VPS35L: variants seen among roughly 807,000 people sequenced by gnomAD.
VPS35L encodes VPS35 endosomal protein sorting factor like, also known as VPS35 endosomal protein-sorting factor-like.
VPS35L carries 83 observed loss-of-function variants against 133.0 expected under a neutral mutation model. The observed-to-expected ratio is 0.62, with a 90% CI of 0.52 to 0.75. The LOEUF (loss-of-function observed/expected upper bound fraction) is 0.75, where lower values mean the gene tolerates loss of function less well. Ranked by LOEUF, VPS35L falls within the 30% of genes least tolerant of loss-of-function variation. The probability of loss-of-function intolerance (pLI) is 0.00; values close to 1 mark genes in which losing one functional copy is unlikely to be tolerated. For synonymous variants in VPS35L, 423 were observed against 449.9 expected, an observed-to-expected ratio of 0.94 and a Z score of 0.76; for missense variants, 1,083 against 1,206.8, an observed-to-expected ratio of 0.90 and a Z score of 1.52.
chr16:19,666,226 T>G (rs933496845), intron 26 of VPS35L, among the ~76,000 whole-genome samples: 2 of 152,126 alleles, frequency 1.3e-5, no homozygotes, highest in Non-Finnish European at 2.9e-5. Flanking sequence ...CCTGTGCTTG[T>G]GGGGTATTAC....
intron 26 of VPS35L, among the ~76,000 whole-genome samples, chr16:19,657,919 A>T (rs551955999): frequency 6.6e-6 from 1 of 152,334 alleles, no homozygotes; most frequent in South Asian, 2.1e-4. Context: ...TCTTTGGTGA[A>T]TGCAGACAAA....
chr16:19,678,365 G>A (rs1975134910), intron 27 of VPS35L, among the ~76,000 whole-genome samples: 2 of 151,906 alleles, frequency 1.3e-5, no homozygotes, highest in South Asian at 4.1e-4. Context: ...GGACACCTGG[G>A]GACACCTTTT....
At chr16:19,623,213 C>G (rs1973139854) in intron 14 of VPS35L, among the ~76,000 whole-genome samples, 1 of 151,844 alleles carries the variant, frequency 6.6e-6, no homozygotes, top group African/African-American at 2.4e-5. Flanking sequence ...AACAAAATAC[C>G]CAGACTAGGA....
chr16:19,592,526 C>A (rs1269614154), intron 8 of VPS35L, among the ~76,000 whole-genome samples: 1 of 152,076 alleles, frequency 6.6e-6, no homozygotes, highest in East Asian at 1.9e-4. Context: ...TCTTTTCCCA[C>A]TGAGTTTCTG....
chr16:19,628,188 G>A (rs1373238226), intron 16 of VPS35L, among the ~76,000 whole-genome samples: 1 of 152,108 alleles, frequency 6.6e-6, no homozygotes, highest in Non-Finnish European at 1.5e-5. Context: ...AACACAGCAA[G>A]ACCCCATCTC....
rs986439224 is a variant in VPS35L at position 19,699,106 on chromosome 16, A to ATACC, written c.2647-396_2647-395insTACC. Among the ~76,000 whole-genome samples, 23 of 152,176 alleles carry ATACC rather than the reference A, an allele frequency of 1.5e-4. No homozygotes were observed. The highest frequency in any genetic ancestry group is 5.5e-4 in the African/African-American group (23 of 41,448). On this transcript the variant is annotated intron_variant, in intron 29 of 30. Coordinates refer to ENST00000417362, the MANE Select transcript of VPS35L (RefSeq NM_020314.7). This position sits in a 1 kb window ranked among gnomAD's most constrained non-coding sequence, Gnocchi z 4.2. ...AGGAATACTGACTGCAGCTTTGGGT[A>ATACC]GTTTGAGGACACATCTGAAAGAGGT...
intron 18 of VPS35L, among the ~76,000 whole-genome samples, chr16:19,630,669 C>G (rs1285472167): frequency 6.6e-6 from 1 of 152,084 alleles, no homozygotes; most frequent in Non-Finnish European, 1.5e-5. Context: ...TTGCTATGGT[C>G]TGAATGTCTG....
intron 13 of VPS35L, among the ~76,000 whole-genome samples, 160 bp downstream of exon 13, chr16:19,616,351 G>A (rs1972892783): frequency 1.3e-5 from 2 of 152,136 alleles, no homozygotes; most frequent in African/African-American, 2.4e-5. Flanking sequence ...ATTAAAATGT[G>A]TTGATTGTAC....
chr16:19,576,930 C>A (rs1971559471), intron 5 of VPS35L, among the ~76,000 whole-genome samples: 1 of 152,108 alleles, frequency 6.6e-6, no homozygotes, highest in Non-Finnish European at 1.5e-5. Flanking sequence ...TGGTCTCAAA[C>A]TCTTGACCTC....
At chr16:19,669,621 GA>G (rs2151605714) in intron 27 of VPS35L, among the ~76,000 whole-genome samples, 1 of 151,598 alleles carries the variant, frequency 6.6e-6, no homozygotes, top group Admixed American at 6.6e-5. Flanking sequence ...GAGTTCTAGT[GA>G]GGACCCACTT....
intron 24 of VPS35L, among the ~76,000 whole-genome samples, chr16:19,649,594 C>T (rs1450636246): frequency 6.6e-6 from 1 of 152,140 alleles, no homozygotes; most frequent in Non-Finnish European, 1.5e-5. Context: ...CAATGTGCGA[C>T]AAACAAATAT....
chr16:19,580,243 A>G (rs1300145406), intron 6 of VPS35L, among the ~76,000 whole-genome samples: 6 of 151,510 alleles, frequency 4.0e-5, no homozygotes, highest in South Asian at 4.2e-4. Flanking sequence ...CCTCCCGAGT[A>G]ACTGGGATTA....
chr16:19,672,201 C>G (rs1037239532), intron 27 of VPS35L, among the ~76,000 whole-genome samples: 2 of 152,148 alleles, frequency 1.3e-5, no homozygotes, highest in Admixed American at 1.3e-4. Context: ...AATCCTCCTC[C>G]CTCACCCTCC....
intron 8 of VPS35L, among the ~76,000 whole-genome samples, chr16:19,594,883 G>A (rs1972160460): frequency 6.6e-6 from 1 of 152,076 alleles, no homozygotes. Flanking sequence ...GCCTCGTTGA[G>A]AGGTTACCTG....
intron 5 of VPS35L, chr16:19,578,171 A>T (rs2151514613): frequency 9.3e-6 from 4 of 429,532 alleles, no homozygotes; most frequent in South Asian, 6.8e-5. Flanking sequence ...GTGCTACAAC[A>T]GTAGAGTTGA....
At chr16:19,696,190 T>C (rs1975904753) in intron 29 of VPS35L, among the ~76,000 whole-genome samples, 1 of 152,172 alleles carries the variant, frequency 6.6e-6, no homozygotes, top group African/African-American at 2.4e-5. Flanking sequence ...GGCTATCCTT[T>C]GTTTTAATGG....
chr16:19,588,536 T>A (rs1203718846), intron 7 of VPS35L, among the ~76,000 whole-genome samples: 4 of 152,158 alleles, frequency 2.6e-5, no homozygotes, highest in African/African-American at 4.8e-5. Context: ...CTTCTTTTTT[T>A]AAATTATTTT....
Position 19,699,655 on chromosome 16 carries a change from C to T in VPS35L, c.2793+7C>T, listed in dbSNP as rs770386959. On this transcript the variant is annotated splice_region_variant and intron_variant, in intron 30 of 30. Coordinates refer to ENST00000417362, the MANE Select transcript of VPS35L (RefSeq NM_020314.7). The surrounding 1 kb of genome is among the most constrained non-coding windows in gnomAD (Gnocchi z 4.2). ...TGCAGACACCAGGACCATGGTGAGG[C>T]GCTCGGAGGGCCCCGTGGTATAAGC... 51 of 1,612,830 alleles carry T rather than the reference C, an allele frequency of 3.2e-5. No individual in the cohort carries two copies. Among genetic ancestry groups the T allele is most frequent in the African/African-American group, 2.1e-4 (16 of 75,040 alleles).
chr16:19,651,829 A>C (rs981781821), intron 25 of VPS35L, 147 bp from the exon 26 acceptor site: 4 of 658,904 alleles, frequency 6.1e-6, no homozygotes, highest in Middle Eastern at 5.1e-4. Flanking sequence ...ATCAGAGCAG[A>C]GTTGTACAAG....
Sources: gnomAD v4.1 joint callset for allele counts (sites outside exome capture counted in the v4.1 genomes callset) on GRCh38, gnomAD v4.1.1 for gene constraint, Gnocchi (gnomAD v3.1) non-coding constraint, MANE v1.5 for transcripts, NCBI Gene and HGNC (gene_info 2026-07-23, HGNC 2026-07-21) for gene names.